Variants in SPINK5 observed in about 807,000 individuals in gnomAD.
SPINK5 encodes the protein serine protease inhibitor Kazal-type 5.
SPINK5 carries 125 observed loss-of-function variants against 151.8 expected under a neutral mutation model. The ratio of observed to expected loss-of-function variants is 0.82; its 90% CI spans 0.71 to 0.96. The LOEUF is 0.96. Among genes scored for constraint, SPINK5 ranks in the 40% least tolerant of loss-of-function variants. SPINK5 has a pLI of 0.00. For missense variants in SPINK5, 1,194 were observed against 1,291.9 expected, an observed-to-expected ratio of 0.92 and a Z score of 1.16; for synonymous variants, 374 against 395.3, an observed-to-expected ratio of 0.95 and a Z score of 0.64.
intron 2 of SPINK5, among the ~76,000 whole-genome samples, chr5:148,068,610 A>G (rs71580479): frequency 6.6e-6 from 1 of 150,928 alleles, no homozygotes; most frequent in Admixed American, 6.6e-5. Context: ...AAAAACAAGC[A>G]CAAAACACCA....
In SPINK5 at chr5:148,118,484, C is replaced by T. The variant is rs1243833888; in HGVS notation, c.2160C>T (p.Ser720=). The change falls in exon 23 of 33, where the codon AGC becomes AGT. Residue 720 remains serine (S), a synonymous_variant. Coordinates refer to ENST00000256084, the MANE Select transcript of SPINK5 (RefSeq NM_006846.4). ...YREQMKNGRL[S]CTRESDPVRD... is the part of the protein sequence containing the mutation. The stretch of plus-strand genomic sequence containing the variant: ...AACAAATGAAAAATGGAAGACTCAG[C>T]TGTACTCGGGAGAGTGATCCTGTAC... 1 of 1,614,140 alleles carries T rather than the reference C, an allele frequency of 6.2e-7. No individual in the cohort carries two copies. Among genetic ancestry groups the T allele is most frequent in the Non-Finnish European group, 8.5e-7 (1 of 1,180,012 alleles).
At chr5:148,070,019 A>G (rs987316818) in intron 2 of SPINK5, among the ~76,000 whole-genome samples, 1 of 152,078 alleles carries the variant, frequency 6.6e-6, no homozygotes, top group African/African-American at 2.4e-5. Context: ...CTATTGGCCT[A>G]CTGTGTACTA....
intron 12 of SPINK5, 22 bp from the exon 13 acceptor site, chr5:148,100,432 C>T (rs879920892): frequency 1.9e-6 from 3 of 1,607,204 alleles, no homozygotes; most frequent in Non-Finnish European, 2.6e-6. Flanking sequence ...ATATGGCCAA[C>T]TTACTTCTTC....
intron 16 of SPINK5, among the ~76,000 whole-genome samples, chr5:148,105,364 C>G (rs1399214675): frequency 6.6e-6 from 1 of 152,104 alleles, no homozygotes; most frequent in Non-Finnish European, 1.5e-5. Context: ...TATAAGATCT[C>G]AATCATTCCA....
chr5:148,098,825 C>T (rs940257570), intron 11 of SPINK5, among the ~76,000 whole-genome samples: 7 of 151,824 alleles, frequency 4.6e-5, no homozygotes, highest in Admixed American at 2.6e-4. Flanking sequence ...TAGCAAAGAC[C>T]CCCTCTACCT....
chr5:148,104,289 C>T (rs928806697), intron 15 of SPINK5, among the ~76,000 whole-genome samples: 25 of 152,252 alleles, frequency 1.6e-4, no homozygotes, highest in Middle Eastern at 6.8e-3. Context: ...CAGAGTCTTT[C>T]CTCTTAACCA....
At chr5:148,074,276 C>T (rs1006106841) in intron 4 of SPINK5, among the ~76,000 whole-genome samples, 20 of 151,682 alleles carry the variant, frequency 1.3e-4, no homozygotes, top group African/African-American at 4.1e-4. Flanking sequence ...TTTCATTTCC[C>T]GACTCTAGTA....
chr5:148,078,692 T>C (rs1435992956), intron 4 of SPINK5, among the ~76,000 whole-genome samples: 2 of 150,846 alleles, frequency 1.3e-5, no homozygotes, highest in Non-Finnish European at 3.0e-5. Context: ...ATTGGTGGGT[T>C]AAAGAAACAA....
At chr5:148,099,173 T>G in intron 11 of SPINK5, 61 bp from the exon 12 acceptor site, 2 of 1,470,604 alleles carry the variant, frequency 1.4e-6, no homozygotes, top group Non-Finnish European at 1.9e-6. Flanking sequence ...TGCAAGGATG[T>G]GGAGAAATCA....
intron 28 of SPINK5, among the ~76,000 whole-genome samples, chr5:148,125,318 A>G (rs1754401895): frequency 1.3e-5 from 2 of 152,156 alleles, no homozygotes; most frequent in Non-Finnish European, 2.9e-5. Context: ...TTTCTTTTCT[A>G]TTTATTTTTC....
rs1436945591 is a variant in SPINK5 at position 148,107,060 on chromosome 5, C to T, written c.1503C>T (p.Asp501=). The part of the protein sequence containing the change: ...AAKEICSEFR[D]QVRNGTLICT... ...AGGAAATCTGCAGTGAATTTCGGGA[C>T]CAAGTGAGGAATGGAACACTTATAT... is the stretch of plus-strand genomic sequence containing the variant. The change falls in exon 17 of 33, where the codon GAC becomes GAT. Residue 501 remains aspartate, a synonymous_variant. Transcript: ENST00000256084. 1.2e-6 allele frequency: 2 copies of T among 1,612,942 alleles called. No homozygotes were observed. The highest frequency in any genetic ancestry group is 1.7e-6 in the Non-Finnish European group (2 of 1,179,320).
intron 3 of SPINK5, among the ~76,000 whole-genome samples, chr5:148,071,175 C>A (rs1477076082): frequency 6.6e-6 from 1 of 152,100 alleles, no homozygotes; most frequent in Non-Finnish European, 1.5e-5. Flanking sequence ...GCCTCAATTT[C>A]TGACCACTGT....
rs560016462 is a variant in SPINK5, at chr5:148,092,546, C to T, written c.666+1318C>T. 1.1e-4 allele frequency among the ~76,000 whole-genome samples: 16 copies of T among 151,826 alleles called. 1 individual carries two copies. The highest frequency in any genetic ancestry group is 5.9e-4 in the Admixed American group (9 of 15,210). ...AGGGTCATTGTTTTGGTGGGGTCACCGGGCATGATGGTGTGAATAGGACTG... is the reference window on the plus strand; with the variant it reads ...AGGGTCATTGTTTTGGTGGGGTCACTGGGCATGATGGTGTGAATAGGACTG... On this transcript the variant is annotated intron_variant, in intron 8 of 32. Transcript: ENST00000256084.
intron 4 of SPINK5, among the ~76,000 whole-genome samples, chr5:148,085,877 T>C (rs926977498): frequency 3.3e-5 from 5 of 151,936 alleles, no homozygotes; most frequent in South Asian, 2.1e-4. Flanking sequence ...TCCTGAGAGT[T>C]TGACAAAATT....
intron 4 of SPINK5, among the ~76,000 whole-genome samples, chr5:148,085,982 C>G (rs539279554): frequency 1.3e-5 from 2 of 151,978 alleles, no homozygotes; most frequent in East Asian, 3.9e-4. Context: ...AAATATGAAA[C>G]AAGCAATCCT....
chr5:148,077,458 T>A (rs1321903309), intron 4 of SPINK5, among the ~76,000 whole-genome samples: 1 of 150,980 alleles, frequency 6.6e-6, no homozygotes, highest in Non-Finnish European at 1.5e-5. Context: ...CACAACTACC[T>A]TAAAAATAAT....
intron 3 of SPINK5, among the ~76,000 whole-genome samples, chr5:148,071,865 T>G (rs1337487813): frequency 6.6e-6 from 1 of 152,028 alleles, no homozygotes. Flanking sequence ...ATGGTGCAGA[T>G]AGCTTTGAGA....
At position 148,108,774 on chromosome 5, in the gene SPINK5, GA is replaced by G; in HGVS notation, c.1634del (p.Asn545MetfsTer30). The G allele has an allele frequency of 6.2e-7, 1 of 1,611,548 alleles. No homozygotes were observed. On this transcript the variant is annotated frameshift_variant, in exon 18 of 33. Coordinates refer to ENST00000256084, the MANE Select transcript of SPINK5 (RefSeq NM_006846.4). LOFTEE classifies it high-confidence loss of function. Reference sequence around the variant, plus strand: ...ACAGCAAACTTGAAGAAGAAGAGAAGAAAAATGATAAAGAAGAAAAAGGGAA... The same window carrying G: ...ACAGCAAACTTGAAGAAGAAGAGAAGAAAATGATAAAGAAGAAAAAGGGAA... Reference protein sequence around the residue: ...SVFKLEEEEKKNDKEEKGKVE... With the variant: ...SVFKLEEEEKXNDKEEKGKVE...
At chr5:148,068,994 A>AGG (rs1752665350) in intron 2 of SPINK5, among the ~76,000 whole-genome samples, 1 of 151,950 alleles carries the variant, frequency 6.6e-6, no homozygotes, top group South Asian at 2.1e-4. Flanking sequence ...CCAGCTACTC[A>AGG]GGGGGCTCAG....
Sources: allele counts gnomAD v4.1 joint callset (sites outside exome capture counted in the v4.1 genomes callset), GRCh38; gene constraint gnomAD v4.1.1; transcripts MANE v1.5; gene names NCBI Gene and HGNC (gene_info 2026-07-23, HGNC 2026-07-21).